The following FAM117B variants were observed in gnomAD, a reference collection of about 807,000 sequenced individuals.
FAM117B encodes family with sequence similarity 117 member B.
A neutral mutation model predicts 52.8 loss-of-function variants in FAM117B; 22 were observed. That is an observed-to-expected ratio of 0.42 (90% confidence interval 0.30 to 0.59). The LOEUF is 0.59. FAM117B is among the 20% of genes least tolerant of loss of function. The probability of loss-of-function intolerance (pLI) is 0.22; values close to 1 mark genes in which losing one functional copy is unlikely to be tolerated. For missense variants in FAM117B, 678 were observed against 802.6 expected (o/e 0.84, Z 1.88); for synonymous variants, 309 against 324.1 (o/e 0.95, Z 0.50).
At chr2:202,747,764 A>AT in intron 4 of FAM117B, among the ~76,000 whole-genome samples, 1 of 152,322 alleles carries the variant, frequency 6.6e-6, no homozygotes. Flanking sequence ...GAAATGAAAG[A>AT]TATCTACAAC....
chr2:202,665,330 A>G (rs1690186249), intron 1 of FAM117B, among the ~76,000 whole-genome samples: 1 of 149,176 alleles, frequency 6.7e-6, no homozygotes. Context: ...TAGTTGGCCA[A>G]CCCTCTCAAT....
At chr2:202,714,332 A>G (rs1162938905) in intron 2 of FAM117B, among the ~76,000 whole-genome samples, 1 of 152,080 alleles carries the variant, frequency 6.6e-6, no homozygotes, top group Non-Finnish European at 1.5e-5. Flanking sequence ...TTTGATTTAT[A>G]GTATAGATTG....
intron 1 of FAM117B, among the ~76,000 whole-genome samples, chr2:202,685,006 A>G (rs1298511780): frequency 1.3e-5 from 2 of 151,824 alleles, no homozygotes; most frequent in South Asian, 2.1e-4. Flanking sequence ...TTTTTTTGAG[A>G]GAGTCTTGCT....
At chr2:202,658,083 A>G (rs534737976) in intron 1 of FAM117B, among the ~76,000 whole-genome samples, 3 of 152,302 alleles carry the variant, frequency 2.0e-5, no homozygotes, top group Non-Finnish European at 2.9e-5. Context: ...ACTCAGCATT[A>G]TAATTTTTGC....
At chr2:202,721,717 T>C (rs1453319537) in intron 2 of FAM117B, among the ~76,000 whole-genome samples, 2 of 152,152 alleles carry the variant, frequency 1.3e-5, no homozygotes, top group East Asian at 3.9e-4. Context: ...CAGTGCAGCC[T>C]CAACCTCCCA....
intron 2 of FAM117B, among the ~76,000 whole-genome samples, chr2:202,711,892 A>G (rs778957201): frequency 4.4e-4 from 67 of 152,022 alleles, no homozygotes; most frequent in Non-Finnish European, 8.1e-4. Flanking sequence ...CTTCTATTCC[A>G]CTGACCTCTA....
intron 4 of FAM117B, among the ~76,000 whole-genome samples, chr2:202,731,855 C>G (rs1349244630): frequency 6.6e-6 from 1 of 152,118 alleles, no homozygotes; most frequent in Non-Finnish European, 1.5e-5. Context: ...CCTGCCTCAG[C>G]CTCCTGAATA....
intron 4 of FAM117B, among the ~76,000 whole-genome samples, chr2:202,745,712 C>T (rs892988761): frequency 2.0e-5 from 3 of 152,178 alleles, no homozygotes; most frequent in East Asian, 3.9e-4. Flanking sequence ...AACTCACTTC[C>T]CCTGTAAAAA....
chr2:202,732,672 T>C (rs769999733), intron 4 of FAM117B, among the ~76,000 whole-genome samples: 2 of 151,760 alleles, frequency 1.3e-5, no homozygotes, highest in Admixed American at 6.6e-5. Context: ...TACCAAAAAA[T>C]TAGCTGGGCA....
chr2:202,759,784 C>T (rs1414259122), intron 7 of FAM117B, among the ~76,000 whole-genome samples: 2 of 152,114 alleles, frequency 1.3e-5, no homozygotes, highest in African/African-American at 2.4e-5. Flanking sequence ...GTCTCAATCT[C>T]CTGACTTCGT....
At chr2:202,711,730 GAGAT>G (rs1456272041) in intron 2 of FAM117B, among the ~76,000 whole-genome samples, 6 of 152,132 alleles carry the variant, frequency 3.9e-5, no homozygotes, top group Non-Finnish European at 5.9e-5. Flanking sequence ...TATAAGGTGA[GAGAT>G]AGGGTCTAGT....
chr2:202,667,497 C>T lies in FAM117B; in HGVS notation c.602-28384C>T, dbSNP rs537872240. ...GTGTCTGTGTTTGTGTGTGCGTGCG[C>T]GCGCATGTGCTGTCTCTTTTTCCAT... On this transcript the variant is annotated intron_variant, in intron 1 of 7. Transcript: ENST00000392238. Among the ~76,000 whole-genome samples, 13 of 152,124 alleles carry T rather than the reference C, an allele frequency of 8.5e-5. No individual in the cohort carries two copies. The East Asian group carries it at 1.2e-3, about 14-fold the overall frequency.
At chr2:202,673,408 T>C (rs951161282) in intron 1 of FAM117B, among the ~76,000 whole-genome samples, 7 of 147,242 alleles carry the variant, frequency 4.8e-5, no homozygotes, top group African/African-American at 1.8e-4. Flanking sequence ...AATTAAAGGC[T>C]AGCCTACCCT....
intron 4 of FAM117B, among the ~76,000 whole-genome samples, chr2:202,744,996 AAAAG>A (rs1318148080): frequency 6.7e-6 from 1 of 150,236 alleles, no homozygotes; most frequent in Non-Finnish European, 1.5e-5. Context: ...AAAAAAAAAA[AAAAG>A]GCTGGGCATG....
At chr2:202,748,276 C>T (rs1002212205) in intron 4 of FAM117B, among the ~76,000 whole-genome samples, 1 of 151,982 alleles carries the variant, frequency 6.6e-6, no homozygotes, top group Non-Finnish European at 1.5e-5. Context: ...ATATAAAAAT[C>T]GACCTAAAAT....
At chr2:202,682,632 C>A (rs144713926) in intron 1 of FAM117B, among the ~76,000 whole-genome samples, 1 of 152,288 alleles carries the variant, frequency 6.6e-6, no homozygotes, top group East Asian at 1.9e-4. Context: ...CTGGAACATT[C>A]ACCAGCATAA....
chr2:202,717,985 C>G (rs1469352001), intron 2 of FAM117B, among the ~76,000 whole-genome samples: 2 of 152,034 alleles, frequency 1.3e-5, no homozygotes, highest in African/African-American at 4.8e-5. Context: ...TGAGCTGGCA[C>G]TCAGACCACA....
chr2:202,673,004 C>T (rs1181180281), intron 1 of FAM117B, among the ~76,000 whole-genome samples: 3 of 152,202 alleles, frequency 2.0e-5, no homozygotes, highest in Non-Finnish European at 4.4e-5. Flanking sequence ...ACTGCGTTCA[C>T]GCCACTGCAC....
chr2:202,699,960 T>C (rs563444075), intron 2 of FAM117B, among the ~76,000 whole-genome samples: 14 of 152,326 alleles, frequency 9.2e-5, no homozygotes, highest in African/African-American at 3.4e-4. Context: ...CTCAGTGATC[T>C]TTGATGTTAC....
Sources: gnomAD v4.1 joint callset for allele counts (sites outside exome capture counted in the v4.1 genomes callset) on GRCh38, gnomAD v4.1.1 for gene constraint, MANE v1.5 for transcripts, NCBI Gene and HGNC (gene_info 2026-07-23, HGNC 2026-07-21) for gene names.